Variants in RACK1 observed in about 807,000 individuals in gnomAD.
RACK1 encodes the protein receptor for activated C kinase 1.
Under a neutral mutation model 42.2 loss-of-function variants are expected in RACK1, and 3 were observed. The observed-to-expected ratio is 0.07, with a 90% confidence interval of 0.03 to 0.18. The LOEUF (loss-of-function observed/expected upper bound fraction) is 0.18, where lower values mean the gene tolerates loss of function less well. RACK1 is among the 10% of genes least tolerant of loss of function. RACK1 has a pLI of 1.00. For missense variants in RACK1, 146 were observed against 403.2 expected (o/e 0.36, Z 5.46); for synonymous variants, 181 against 154.8 (o/e 1.17, Z -1.25).
rs1759251244 is a variant in RACK1, at chr5:181,239,186, A to G, written c.526-9T>C. 1 of 1,572,598 alleles carries G rather than the reference A, an allele frequency of 6.4e-7. No individual in the cohort carries two copies. ...TTAGCCAGGTTCCATACCTGCATAG[A>G]CGTGCGGTTGACAGGTGAACATCCT... On this transcript the variant is annotated splice_polypyrimidine_tract_variant and intron_variant, in intron 4 of 7. Transcript: ENST00000512805.
At chr5:181,241,405 G>C in intron 3 of RACK1, 87 bp downstream of exon 3, 5 of 1,207,094 alleles carry the variant, frequency 4.1e-6, no homozygotes, top group Non-Finnish European at 5.8e-6. Flanking sequence ...ACTCCAGCTT[G>C]GGCAAGAGTG....
chr5:181,243,393 G>GC (rs1359968469), intron 1 of RACK1: 1 of 1,432,588 alleles, frequency 7.0e-7, no homozygotes, highest in Non-Finnish European at 9.3e-7. Context: ...CGGCCCGTAG[G>GC]CCCCCGGCCA....
At chr5:181,240,191 TA>T in intron 3 of RACK1, 1 of 159,480 alleles carries the variant, frequency 6.3e-6, no homozygotes, top group Non-Finnish European at 1.4e-5. Flanking sequence ...CTGTCTCTAC[TA>T]AAAATACAAA....
rs988088554 is a variant in RACK1 at position 181,237,040 on chromosome 5, A to T, written c.891T>A (p.Thr297=). The T allele has an allele frequency of 1.2e-6, 2 of 1,613,970 alleles. No individual in the cohort carries two copies. Among genetic ancestry groups the T allele is most frequent in the East Asian group, 2.2e-5 (1 of 44,874 alleles). ...TSLAWSADGQ[T]LFAGYTDNLV... ...GGTTGTCCGTGTAGCCAGCAAACAG[A>T]GTCTGCAGGGAAGAAATGACAGTGA... Residue 297 remains threonine, a splice_region_variant and synonymous_variant, in exon 8 of 8, where the codon ACT becomes ACA. Transcript: ENST00000512805.
At chr5:181,242,726 C>A (rs1471975668) in intron 1 of RACK1, 1 of 353,898 alleles carries the variant, frequency 2.8e-6, no homozygotes, top group Non-Finnish European at 5.6e-6. Context: ...GCCAGCACGT[C>A]TGGCTAATTT....
chr5:181,239,337 A>G (rs1459008159), intron 4 of RACK1, 150 bp downstream of exon 4: 2 of 765,946 alleles, frequency 2.6e-6, no homozygotes, highest in South Asian at 2.8e-5. Flanking sequence ...TATCCAATGC[A>G]GTGTGCTGAC....
Position 181,243,348 on chromosome 5 carries a change from C to T in RACK1, c.109+344G>A, listed in dbSNP as rs563704481. The T allele has an allele frequency of 1.5e-5, 20 of 1,377,966 alleles. No individual in the cohort carries two copies. The South Asian group carries it at 2.0e-4, about 14-fold the overall frequency. The allele number at this position is 1,377,966 out of a possible 1,614,324, so 85.4% of individuals were successfully genotyped here. A position where few individuals can be genotyped will look rare whatever the true frequency, so the allele number is the denominator to read the frequency against. On this transcript the variant is annotated intron_variant, in intron 1 of 7. Coordinates refer to ENST00000512805, the MANE Select transcript of RACK1 (RefSeq NM_006098.5). ...CAGCCTCTGGATTTCAGCACCGACA[C>T]TCAGATGGCATGTTGGGGTCATCAC...
Position 181,243,117 on chromosome 5 carries a change from C to A in RACK1, c.109+575G>T, listed in dbSNP as rs1200592979. On this transcript the variant is annotated intron_variant, in intron 1 of 7. Transcript: ENST00000512805. ...CCCACTCAACAAATTTTACGATTAA[C>A]AGCCAGACATGATTCAAAAGTCAGA... 6.1e-6 allele frequency: 3 copies of A among 490,406 alleles called. No individual in the cohort carries two copies. The Admixed American group carries it at 9.7e-5, about 16-fold the overall frequency. The allele number at this position is 490,406 out of a possible 1,614,324, so 30.4% of individuals were successfully genotyped here.
intron 5 of RACK1, 35 bp downstream of exon 5, chr5:181,239,032 T>C (rs1759247670): frequency 1.5e-6 from 2 of 1,356,942 alleles, no homozygotes; most frequent in East Asian, 4.6e-5. Flanking sequence ...TGACGCTGTC[T>C]TCCACTGAGT....
intron 6 of RACK1, 93 bp downstream of exon 6, chr5:181,238,006 C>CT: frequency 7.3e-7 from 1 of 1,377,030 alleles, no homozygotes; most frequent in African/African-American, 1.4e-5. Flanking sequence ...AGCTTAGCTC[C>CT]CAGGTGGGAG....
In RACK1 at chr5:181,239,520, G is replaced by A; in HGVS notation, c.492C>T (p.Ile164=). Residue 164 remains isoleucine, a synonymous_variant, in exon 4 of 8, where the codon ATC becomes ATT. Coordinates refer to ENST00000512805, the MANE Select transcript of RACK1 (RefSeq NM_006098.5). The part of the protein sequence containing the change: ...VRFSPNSSNP[I]IVSCGWDKLV... ...GCTTGTCCCAGCCACAGGAGACGAT[G>A]ATAGGGTTGCTGCTGTTGGGCGAGA... is the stretch of plus-strand genomic sequence containing the variant. 3.1e-6 allele frequency: 5 copies of A among 1,613,928 alleles called. No homozygotes were observed. Among genetic ancestry groups the A allele is most frequent in the Non-Finnish European group, 4.2e-6 (5 of 1,179,814 alleles).
intron 1 of RACK1, chr5:181,243,426 G>A (rs752032516): frequency 1.1e-5 from 17 of 1,506,424 alleles, no homozygotes; most frequent in South Asian, 5.8e-5. Context: ...GAAGGCAAAA[G>A]ATATTTTAAA....
intron 3 of RACK1, 59 bp from the exon 4 acceptor site, chr5:181,239,641 TC>T: frequency 9.1e-7 from 1 of 1,099,406 alleles, no homozygotes; most frequent in Non-Finnish European, 1.4e-6. Context: ...ATGCTAGACC[TC>T]CCAGCCCTAC....
chr5:181,238,450 T>G lies in RACK1; in HGVS notation c.637-211A>C, dbSNP rs1726855379. 5.6e-6 allele frequency: 3 copies of G among 534,922 alleles called. No individual in the cohort carries two copies. In the Admixed American group the frequency reaches 1.0e-4, roughly 18 times the overall value. 33.1% of individuals were successfully genotyped at this position (534,922 alleles called of 1,614,324 possible). ...CCCCATCAAAAAACCCCTCCCAACT[T>G]ACATAAATCACTCCAATCATTTCTG... On this transcript the variant is annotated intron_variant, in intron 5 of 7. Coordinates refer to ENST00000512805, the MANE Select transcript of RACK1 (RefSeq NM_006098.5).
In RACK1 at chr5:181,238,695, G is replaced by A. The variant is rs145157745; in HGVS notation, c.636+372C>T. The A allele has an allele frequency of 7.2e-3, 2,619 of 362,576 alleles. 27 individuals carry two copies. The highest frequency in any genetic ancestry group is 0.071 in the Middle Eastern group (72 of 1,010). The allele number at this position is 362,576 out of a possible 1,614,324, so 22.5% of individuals were successfully genotyped here. A position where few individuals can be genotyped will look rare whatever the true frequency, so the allele number is the denominator to read the frequency against. The stretch of plus-strand genomic sequence containing the variant: ...CGGGTGCCTGTAATCCTAGCTACTC[G>A]GGAGGCTGAGATGGGAGAATTGCTT... On this transcript the variant is annotated intron_variant, in intron 5 of 7. Transcript: ENST00000512805.
rs1582301909 is a variant in RACK1, at chr5:181,243,897, T to G, written c.-97A>C. 3.4e-6 allele frequency: 5 copies of G among 1,452,546 alleles called. No individual in the cohort carries two copies. The highest frequency in any genetic ancestry group is 2.9e-5 in the African/African-American group (2 of 69,248). The allele number at this position is 1,452,546 out of a possible 1,614,324, so 90.0% of individuals were successfully genotyped here. On this transcript the variant is annotated 5_prime_UTR_variant, in exon 1 of 8. Coordinates refer to ENST00000512805, the MANE Select transcript of RACK1 (RefSeq NM_006098.5). ...AACCTCTCCTGCCGCCGCCTTGCAG[T>G]GAAAGAGAGAGAGAAAAGCCCCCCG...
Position 181,242,223 on chromosome 5 carries a change from C to A in RACK1, c.232G>T (p.Ala78Ser). Residue 78 changes from alanine to serine, a missense_variant, in exon 2 of 8, where the codon GCC becomes TCC. Transcript: ENST00000512805. The part of the protein sequence containing the change: ...DVVISSDGQF[A>S]LSGSWDGTLR... ...GTTCCATCCCAGGAGCCTGAGAGGG[C>A]AAACTGGCCATCTGAGGAGATAACC... 1.9e-6 allele frequency: 3 copies of A among 1,614,008 alleles called. No individual in the cohort carries two copies. In the South Asian group the frequency reaches 3.3e-5, roughly 18 times the overall value.
chr5:181,238,940 C>T, intron 5 of RACK1, 127 bp downstream of exon 5: 1 of 766,498 alleles, frequency 1.3e-6, no homozygotes, highest in Non-Finnish European at 2.4e-6. Context: ...CTCAGATTGC[C>T]ATTATCTCAT....
At chr5:181,243,634 A>T in intron 1 of RACK1, 58 bp downstream of exon 1, 1 of 1,540,784 alleles carries the variant, frequency 6.5e-7, no homozygotes, top group Non-Finnish European at 8.8e-7. Flanking sequence ...TCCCTACACG[A>T]CACGCGGAAT....
Sources: gnomAD v4.1 joint callset for allele counts on GRCh38, gnomAD v4.1.1 for gene constraint, MANE v1.5 for transcripts, NCBI Gene and HGNC (gene_info 2026-07-23, HGNC 2026-07-21) for gene names.